CSGALNACT1: variants seen among roughly 807,000 people sequenced by gnomAD.
CSGALNACT1 encodes the protein beta4GalNAcT-1.
A neutral mutation model predicts 51.0 loss-of-function variants in CSGALNACT1; 52 were observed. The observed-to-expected ratio is 1.02, with a 90% CI of 0.82 to 1.29. The LOEUF (loss-of-function observed/expected upper bound fraction) is 1.29, where lower values mean the gene tolerates loss of function less well. CSGALNACT1 is among the 50% of genes most tolerant of loss of function. CSGALNACT1 has a pLI of 0.00. For missense variants in CSGALNACT1, 935 were observed against 679.2 expected (o/e 1.38, Z -4.19); for synonymous variants, 341 against 254.4 (o/e 1.34, Z -3.24).
rs147332556 is a variant in CSGALNACT1, at chr8:19,521,914, G to A, written c.-296-15784C>T. ...CATCTGCTCTACCAATCCCTGCGTC[G>A]TGGTAAGACTTCATGTGTCCATTTG... On this transcript the variant is annotated intron_variant, in intron 3 of 9. Transcript: ENST00000454498. 7.7e-4 allele frequency among the ~76,000 whole-genome samples: 117 copies of A among 152,316 alleles called. No homozygotes were observed. In the East Asian group the frequency reaches 0.014, roughly 18 times the overall value.
chr8:19,705,269 A>T (rs2154224974), intron 1 of CSGALNACT1, among the ~76,000 whole-genome samples: 1 of 152,338 alleles, frequency 6.6e-6, no homozygotes, highest in Admixed American at 6.5e-5. Flanking sequence ...ATAGTAACTC[A>T]AGGGTAGCTA....
intron 3 of CSGALNACT1, among the ~76,000 whole-genome samples, chr8:19,527,722 G>GCAC (rs1430366916): frequency 1.3e-5 from 2 of 152,140 alleles, no homozygotes; most frequent in African/African-American, 4.8e-5. Context: ...CTGGAGTGTG[G>GCAC]GGTGCTGAGC....
intron 4 of CSGALNACT1, among the ~76,000 whole-genome samples, chr8:19,463,524 G>C (rs924912905): frequency 4.6e-5 from 7 of 152,174 alleles, no homozygotes; most frequent in African/African-American, 1.2e-4. Context: ...GGGGTGGTGA[G>C]GGAAGGGAAA....
At chr8:19,653,186 G>A (rs547589887) in intron 1 of CSGALNACT1, among the ~76,000 whole-genome samples, 7 of 152,072 alleles carry the variant, frequency 4.6e-5, no homozygotes, top group Non-Finnish European at 7.4e-5. Flanking sequence ...CTGTCCCCTC[G>A]ATTTTGCTTC....
At chr8:19,486,262 C>T (rs1261943244) in intron 4 of CSGALNACT1, among the ~76,000 whole-genome samples, 1 of 152,066 alleles carries the variant, frequency 6.6e-6, no homozygotes, top group Non-Finnish European at 1.5e-5. Context: ...TCACTTGTTA[C>T]CACCTTGGTC....
At chr8:19,503,383 G>A (rs956363141) in intron 4 of CSGALNACT1, among the ~76,000 whole-genome samples, 1 of 152,174 alleles carries the variant, frequency 6.6e-6, no homozygotes, top group Non-Finnish European at 1.5e-5. Context: ...GATTGAGAAA[G>A]ATAGGCCTTA....
At chr8:19,711,998 G>A (rs186329378) in intron 1 of CSGALNACT1, among the ~76,000 whole-genome samples, 153 of 152,228 alleles carry the variant, frequency 1.0e-3, no homozygotes, top group African/African-American at 3.4e-3. Flanking sequence ...AATAATAAGT[G>A]GTGAAGCCGG....
Position 19,591,159 on chromosome 8 carries a change from C to A in CSGALNACT1, c.-297+1G>T, listed in dbSNP as rs915393755. 3 of 152,282 alleles carry A rather than the reference C, an allele frequency of 2.0e-5. No homozygotes were observed. Among genetic ancestry groups the A allele is most frequent in the African/African-American group, 7.2e-5 (3 of 41,446 alleles). 9.4% of individuals were successfully genotyped at this position (152,282 alleles called of 1,614,324 possible). A position where few individuals can be genotyped will look rare whatever the true frequency, so the allele number is the denominator to read the frequency against. On this transcript the variant is annotated splice_donor_variant, in intron 3 of 9. Transcript: ENST00000454498. LOFTEE classifies it low-confidence loss of function (5UTR_SPLICE). The stretch of plus-strand genomic sequence containing the variant: ...AAGAAGAGATCAGGACCTGGACCCA[C>A]CTCCTCACAAAGCCACAGCAGCAGC...
chr8:19,679,858 C>G (rs534018936), intron 1 of CSGALNACT1, among the ~76,000 whole-genome samples: 1 of 152,326 alleles, frequency 6.6e-6, no homozygotes, highest in East Asian at 1.9e-4. Flanking sequence ...ACACTCTCAT[C>G]TCAATTTCCT....
At chr8:19,740,611 T>C (rs961098376) in intron 1 of CSGALNACT1, among the ~76,000 whole-genome samples, 3 of 152,336 alleles carry the variant, frequency 2.0e-5, no homozygotes, top group Admixed American at 2.0e-4. Flanking sequence ...GTAACTGTTA[T>C]ATAATATATC....
intron 1 of CSGALNACT1, among the ~76,000 whole-genome samples, chr8:19,704,486 T>C (rs1907800): frequency 0.31 from 47,007 of 152,096 alleles, 7,487 homozygotes; most frequent in Middle Eastern, 0.43. Context: ...GGAGTGTAAA[T>C]TGGTATAGCC....
intron 4 of CSGALNACT1, among the ~76,000 whole-genome samples, chr8:19,497,512 A>G (rs575380500): frequency 6.6e-6 from 1 of 152,328 alleles, no homozygotes; most frequent in East Asian, 1.9e-4. Context: ...GGTATGATAC[A>G]GATGCTGGAG....
chr8:19,583,902 CAGACCAATGAGGCTG>C (rs2046104272), intron 3 of CSGALNACT1, among the ~76,000 whole-genome samples: 2 of 152,192 alleles, frequency 1.3e-5, no homozygotes, highest in Non-Finnish European at 2.9e-5. Context: ...TGAGAGAAGT[CAGACCAATGAGGCTG>C]AATACTGACA....
chr8:19,434,206 A>G (rs2060045576), intron 6 of CSGALNACT1, among the ~76,000 whole-genome samples: 2 of 152,096 alleles, frequency 1.3e-5, no homozygotes, highest in Admixed American at 1.3e-4. Context: ...CTCCATTTTC[A>G]CTGCTCTGAC....
chr8:19,629,480 G>T (rs1302175481), intron 1 of CSGALNACT1, among the ~76,000 whole-genome samples: 1 of 152,218 alleles, frequency 6.6e-6, no homozygotes, highest in Non-Finnish European at 1.5e-5. Context: ...CTTCAGAGAG[G>T]CTCAACTCCT....
At chr8:19,456,116 C>A (rs1228576087) in intron 5 of CSGALNACT1, among the ~76,000 whole-genome samples, 1 of 152,202 alleles carries the variant, frequency 6.6e-6, no homozygotes, top group Non-Finnish European at 1.5e-5. Context: ...GGCTTGTAAG[C>A]TACTCATTTG....
chr8:19,458,692 GCTGA>G (rs754104914), intron 4 of CSGALNACT1, 50 bp from the exon 4 acceptor site: 6 of 1,541,160 alleles, frequency 3.9e-6, no homozygotes, highest in Middle Eastern at 1.7e-4. Flanking sequence ...AACCTTGGCT[GCTGA>G]GTGTTTTTCA....
At chr8:19,423,435 T>C (rs1480543873) in intron 6 of CSGALNACT1, among the ~76,000 whole-genome samples, 1 of 152,144 alleles carries the variant, frequency 6.6e-6, no homozygotes, top group Non-Finnish European at 1.5e-5. Flanking sequence ...GGTAATTTGG[T>C]GGTGTGCATG....
intron 6 of CSGALNACT1, 84 bp downstream of exon 5, chr8:19,439,746 A>C: frequency 2.8e-6 from 3 of 1,055,960 alleles, no homozygotes; most frequent in South Asian, 2.6e-5. Flanking sequence ...AGGAAAATAA[A>C]ATTAAGCAGA....
Sources: allele counts gnomAD v4.1 joint callset (sites outside exome capture counted in the v4.1 genomes callset), GRCh38; gene constraint gnomAD v4.1.1; transcripts MANE v1.5; gene names NCBI Gene and HGNC (gene_info 2026-07-23, HGNC 2026-07-21).